GLS: variants seen among roughly 807,000 people sequenced by gnomAD.
GLS encodes glutaminase kidney isoform, mitochondrial.
A neutral mutation model predicts 86.7 loss-of-function variants in GLS; 36 were observed. The observed-to-expected ratio is 0.42, with a 90% CI of 0.32 to 0.55. GLS has a LOEUF of 0.55. Among genes scored for constraint, GLS ranks in the 20% least tolerant of loss-of-function variants. The pLI is 0.17. For synonymous variants in GLS, 317 were observed against 305.9 expected, an observed-to-expected ratio of 1.04 and a Z score of -0.38; for missense variants, 528 against 833.4, an observed-to-expected ratio of 0.63 and a Z score of 4.51.
rs1558977803 is a variant in GLS, at chr2:190,913,103, A to C, written c.1038+2782A>C. The C allele has an allele frequency of 1.7e-6, 2 of 1,147,120 alleles. No individual in the cohort carries two copies. The highest frequency in any genetic ancestry group is 2.4e-6 in the Non-Finnish European group (2 of 850,024). The allele number at this position is 1,147,120 out of a possible 1,614,324, so 71.1% of individuals were successfully genotyped here. A position where few individuals can be genotyped will look rare whatever the true frequency, so the allele number is the denominator to read the frequency against. ...TGGTGCCATTAAAATCATTTTCTTC[A>C]TGTTAATCCCCCCACCCCAAAATTA... On this transcript the variant is annotated intron_variant, in intron 7 of 17. Transcript: ENST00000320717. This position sits in a 1 kb window ranked among gnomAD's most constrained non-coding sequence, Gnocchi z 6.1.
intron 4 of GLS, among the ~76,000 whole-genome samples, chr2:190,901,224 T>C (rs987797940): frequency 6.6e-6 from 1 of 152,124 alleles, no homozygotes; most frequent in African/African-American, 2.4e-5. Context: ...TTATAACTAC[T>C]GTTATAAGCG....
At chr2:190,934,106 C>A (rs1242524722) in intron 14 of GLS, 4 of 978,980 alleles carry the variant, frequency 4.1e-6, no homozygotes, top group East Asian at 1.1e-4. Context: ...CCCCATAGTT[C>A]CCCTATAATT....
intron 14 of GLS, among the ~76,000 whole-genome samples, chr2:190,950,013 A>AG (rs779484168): frequency 1.3e-5 from 2 of 151,190 alleles, no homozygotes; most frequent in Non-Finnish European, 2.9e-5. Flanking sequence ...ATATATATGA[A>AG]GGGGAAAAGC....
intron 1 of GLS, among the ~76,000 whole-genome samples, chr2:190,891,185 T>C (rs1366898828): frequency 6.6e-6 from 1 of 152,186 alleles, no homozygotes; most frequent in East Asian, 1.9e-4. Flanking sequence ...ACTTCATCTG[T>C]ACTTGCTAAT....
intron 13 of GLS, among the ~76,000 whole-genome samples, chr2:190,931,252 A>G (rs1447176718): frequency 6.6e-6 from 1 of 152,150 alleles, no homozygotes; most frequent in Non-Finnish European, 1.5e-5. Context: ...GTGGCTTTAC[A>G]CTTATTTGAT....
At position 190,942,067 on chromosome 2, in the gene GLS, CTTTTTTTTTTT is replaced by C. The variant is rs3036653; in HGVS notation, c.1650+10450_1650+10460del. On this transcript the variant is annotated intron_variant, in intron 14 of 17. Coordinates refer to ENST00000320717, the MANE Select transcript of GLS (RefSeq NM_014905.5). ...AGAGTTTAGTGTGAAACTTTGAAGA[CTTTTTTTTTTT>C]TTTTTTTTTTTTTTTTTTTGAGACG... Among the ~76,000 whole-genome samples, 298 of 38,048 alleles carry C rather than the reference CTTTTTTTTTTT, an allele frequency of 7.8e-3. 3 individuals are homozygous for C. Among genetic ancestry groups the C allele is most frequent in the Middle Eastern group, 0.029 (1 of 34 alleles). 25.0% of individuals were successfully genotyped at this position (38,048 alleles called of 152,430 possible).
chr2:190,937,840 G>GGT (rs1424839209), intron 14 of GLS, among the ~76,000 whole-genome samples: 1 of 128,400 alleles, frequency 7.8e-6, no homozygotes, highest in South Asian at 2.4e-4. Flanking sequence ...GAATCTGTGG[G>GGT]TTTTTTTTTT....
chr2:190,918,100 T>G (rs1689603335), intron 7 of GLS, among the ~76,000 whole-genome samples: 1 of 152,194 alleles, frequency 6.6e-6, no homozygotes, highest in Admixed American at 6.6e-5. Context: ...AGCATTGGCT[T>G]CAACTTAAGG....
At position 190,880,910 on chromosome 2, in the gene GLS, CAG is replaced by C; in HGVS notation, c.-174_-173del. 17 of 948,946 alleles carry C rather than the reference CAG, an allele frequency of 1.8e-5. No homozygotes were observed. In the Admixed American group the frequency reaches 2.3e-4, roughly 13 times the overall value. 58.8% of individuals were successfully genotyped at this position (948,946 alleles called of 1,614,324 possible). A position where few individuals can be genotyped will look rare whatever the true frequency, so the allele number is the denominator to read the frequency against. ...GCAGCAGCAGCAGCAGCAGCAGCAG[CAG>C]CAGCAGCACCCGCATCCGCTGCGGG... On this transcript the variant is annotated 5_prime_UTR_variant, in exon 1 of 18. Transcript: ENST00000320717.
intron 7 of GLS, chr2:190,919,857 G>A (rs1689678810): frequency 5.2e-6 from 1 of 190,908 alleles, no homozygotes; most frequent in African/African-American, 2.4e-5. Context: ...TTGAAGTTTT[G>A]TTAGTGCCTA....
intron 7 of GLS, among the ~76,000 whole-genome samples, chr2:190,911,385 T>C (rs1689354800): frequency 6.6e-6 from 1 of 152,158 alleles, no homozygotes; most frequent in South Asian, 2.1e-4. Context: ...TCTATATGTT[T>C]ACTTGTTACT....
rs191622257 is a variant in GLS, at chr2:190,943,974, G to T, written c.1651-9591G>T. On this transcript the variant is annotated intron_variant, in intron 14 of 17. Coordinates refer to ENST00000320717, the MANE Select transcript of GLS (RefSeq NM_014905.5). The surrounding 1 kb of genome is among the most constrained non-coding windows in gnomAD (Gnocchi z 4.5). ...AACTATAGAAAACTCAAGTCCATGT[G>T]CCTGGCTTTGTTATAGTAGCAGGAT... 6.6e-6 allele frequency among the ~76,000 whole-genome samples: 1 copy of T among 152,242 alleles called. No homozygotes were observed. Among genetic ancestry groups the T allele is most frequent in the African/African-American group, 2.4e-5 (1 of 41,556 alleles).
At position 190,944,643 on chromosome 2, in the gene GLS, G is replaced by A. The variant is rs563600196; in HGVS notation, c.1651-8922G>A. 5.9e-5 allele frequency among the ~76,000 whole-genome samples: 9 copies of A among 152,226 alleles called. No homozygotes were observed. In the South Asian group the frequency reaches 1.9e-3, roughly 32 times the overall value. On this transcript the variant is annotated intron_variant, in intron 14 of 17. Coordinates refer to ENST00000320717, the MANE Select transcript of GLS (RefSeq NM_014905.5). ...ACTTTTATAATTGGATATATAAAGA[G>A]GGATGCTTATGACCTCATTGGTATC...
intron 17 of GLS, among the ~76,000 whole-genome samples, chr2:190,959,715 T>G (rs1204825009): frequency 6.6e-6 from 1 of 152,168 alleles, no homozygotes; most frequent in East Asian, 1.9e-4. Flanking sequence ...GATTCGACAT[T>G]TATGCAGCCT....
chr2:190,916,006 T>C (rs1689519071), intron 7 of GLS, among the ~76,000 whole-genome samples: 1 of 152,208 alleles, frequency 6.6e-6, no homozygotes, highest in African/African-American at 2.4e-5. Flanking sequence ...ATTGCTATAA[T>C]AAAACTTTTA....
At chr2:190,900,086 A>G (rs1009202088) in intron 3 of GLS, among the ~76,000 whole-genome samples, 9 of 152,172 alleles carry the variant, frequency 5.9e-5, no homozygotes, top group Non-Finnish European at 1.0e-4. Context: ...TGATATAATT[A>G]AGGAAAATAT....
In GLS at chr2:190,954,755, G is replaced by A; in HGVS notation, c.1790G>A (p.Gly597Asp). 6.2e-7 allele frequency: 1 copy of A among 1,613,876 alleles called. No individual in the cohort carries two copies. The highest frequency in any genetic ancestry group is 8.5e-7 in the Non-Finnish European group (1 of 1,179,872). ...TTTTTTTGGGGGTGGGACGGTATAG[G>A]TCATGTTGAAGTTGTTAAATTTTTG... is the stretch of plus-strand genomic sequence containing the variant. The part of the protein sequence containing the change: ...RTALHVAAAE[G>D]HVEVVKFLLE... The change falls in exon 17 of 18, where the codon GGT (glycine) becomes GAT (aspartate). Residue 597 changes from glycine (G) to aspartate (D), a missense_variant and splice_region_variant. Physicochemically the swap from Gly to Asp is moderately conservative, Grantham distance 94 (BLOSUM62 -1). Coordinates refer to ENST00000320717, the MANE Select transcript of GLS (RefSeq NM_014905.5). This position sits in a 1 kb window ranked among gnomAD's most constrained non-coding sequence, Gnocchi z 4.0.
Position 190,946,557 on chromosome 2 carries a change from A to G in GLS, c.1651-7008A>G, listed in dbSNP as rs185492206. Among the ~76,000 whole-genome samples, 346 of 152,186 alleles carry G rather than the reference A, an allele frequency of 2.3e-3. 1 individual carries two copies. The highest frequency in any genetic ancestry group is 8.1e-3 in the African/African-American group (337 of 41,498). The stretch of plus-strand genomic sequence containing the variant: ...AACAGGCTGAATTCATGTTTATATG[A>G]AGACAGAAACTAAAGATGAAAAACA... On this transcript the variant is annotated intron_variant, in intron 14 of 17. Coordinates refer to ENST00000320717, the MANE Select transcript of GLS (RefSeq NM_014905.5).
chr2:190,953,455 G>T lies in GLS; in HGVS notation c.1651-110G>T. 1.4e-6 allele frequency: 1 copy of T among 725,482 alleles called. No homozygotes were observed. The highest frequency in any genetic ancestry group is 2.5e-6 in the Non-Finnish European group (1 of 403,134). 44.9% of individuals were successfully genotyped at this position (725,482 alleles called of 1,614,324 possible). ...GTGTCCTTGAGATCACTTTTTGCAC[G>T]TGACTCAGCTGAAGTGTTCAAAGCA... On this transcript the variant is annotated intron_variant, in intron 14 of 17. Coordinates refer to ENST00000320717, the MANE Select transcript of GLS (RefSeq NM_014905.5). This position sits in a 1 kb window ranked among gnomAD's most constrained non-coding sequence, Gnocchi z 4.0.
Sources: allele counts gnomAD v4.1 joint callset (sites outside exome capture counted in the v4.1 genomes callset), GRCh38; gene constraint gnomAD v4.1.1; non-coding constraint Gnocchi (gnomAD v3.1); transcripts MANE v1.5; gene names NCBI Gene and HGNC (gene_info 2026-07-23, HGNC 2026-07-21).